ZNF385D: variants seen among roughly 807,000 people sequenced by gnomAD.
ZNF385D encodes zinc finger protein 385D.
ZNF385D carries 15 observed loss-of-function variants against 35.8 expected under a neutral mutation model. That is an observed-to-expected ratio of 0.42 (90% CI 0.28 to 0.64). The LOEUF is 0.64. ZNF385D is among the 30% of genes least tolerant of loss of function. The pLI, the probability that ZNF385D is intolerant of heterozygous loss-of-function variation, is 0.23. For synonymous variants in ZNF385D, 212 were observed against 186.8 expected, an observed-to-expected ratio of 1.13 and a Z score of -1.10; for missense variants, 474 against 494.6, an observed-to-expected ratio of 0.96 and a Z score of 0.39.
intron 1 of ZNF385D, among the ~76,000 whole-genome samples, chr3:21,691,536 T>C (rs527849354): frequency 6.6e-6 from 1 of 152,282 alleles, no homozygotes; most frequent in South Asian, 2.1e-4. Flanking sequence ...CTTTCTTTCT[T>C]CTAAGAAGAG....
rs533080077 is a variant in ZNF385D, at chr3:22,075,506, C to T, written c.325+93311G>A. On this transcript the variant is annotated intron_variant, in intron 3 of 5. Coordinates refer to the ZNF385D transcript ENST00000494108. Reference sequence around the variant, plus strand: ...TCCCTCTTCACTTTCCCACTCTCTCCTTAACAAATCTTCTTTCTTGGATTT... The same window carrying T: ...TCCCTCTTCACTTTCCCACTCTCTCTTTAACAAATCTTCTTTCTTGGATTT... 1.7e-4 allele frequency among the ~76,000 whole-genome samples: 26 copies of T among 151,922 alleles called. No homozygotes were observed. In the South Asian group the frequency reaches 4.1e-3, roughly 24 times the overall value.
At chr3:21,724,646 A>G (rs1160783736) in intron 1 of ZNF385D, among the ~76,000 whole-genome samples, 1 of 152,154 alleles carries the variant, frequency 6.6e-6, no homozygotes, top group Non-Finnish European at 1.5e-5. Flanking sequence ...TACTAAATAT[A>G]TACGCACCCA....
intron 2 of ZNF385D, among the ~76,000 whole-genome samples, chr3:21,593,540 T>C (rs575863263): frequency 2.0e-5 from 3 of 152,252 alleles, no homozygotes; most frequent in African/African-American, 7.2e-5. Flanking sequence ...AAAAGCCTTT[T>C]GCCATCTCTT....
rs10536394 is a variant in ZNF385D at position 22,144,572 on chromosome 3, CAAAAAAAA to C, written c.325+24237_325+24244del. ...TAGGCAACAGGGTGAGACTCCATTT[CAAAAAAAA>C]AAAAAAAAAAAAAAAAAAAAGAACG... On this transcript the variant is annotated intron_variant, in intron 3 of 5. Transcript: ENST00000494108. Among the ~76,000 whole-genome samples, 6 of 67,580 alleles carry C rather than the reference CAAAAAAAA, an allele frequency of 8.9e-5. 1 individual carries two copies. In the East Asian group the frequency reaches 2.7e-3, roughly 30 times the overall value. The allele number at this position is 67,580 out of a possible 152,430, so 44.3% of individuals were successfully genotyped here. A position where few individuals can be genotyped will look rare whatever the true frequency, so the allele number is the denominator to read the frequency against.
chr3:21,528,202 A>T (rs1708340328), intron 3 of ZNF385D, among the ~76,000 whole-genome samples: 1 of 152,228 alleles, frequency 6.6e-6, no homozygotes, highest in South Asian at 2.1e-4. Context: ...AGAATGAAAT[A>T]GAAGTATTTT....
chr3:22,251,874 G>C (rs1330114452), intron 2 of ZNF385D, among the ~76,000 whole-genome samples: 4 of 152,190 alleles, frequency 2.6e-5, no homozygotes, highest in African/African-American at 2.4e-5. Flanking sequence ...CACAGCCTTT[G>C]AAAGTTCAAT....
intron 3 of ZNF385D, among the ~76,000 whole-genome samples, chr3:21,800,938 C>T (rs2072371142): frequency 6.6e-6 from 1 of 152,096 alleles, no homozygotes; most frequent in African/African-American, 2.4e-5. Context: ...AGGAAGAAAG[C>T]TCTTACTCTT....
At chr3:22,107,415 CATT>C (rs1274387209) in intron 3 of ZNF385D, among the ~76,000 whole-genome samples, 1 of 151,834 alleles carries the variant, frequency 6.6e-6, no homozygotes, top group East Asian at 1.9e-4. Context: ...ACTGTAAAAT[CATT>C]GATACATGGG....
Position 22,015,780 on chromosome 3 carries a change from C to T in ZNF385D, c.325+153037G>A, listed in dbSNP as rs373950752. On this transcript the variant is annotated intron_variant, in intron 3 of 5. Coordinates refer to the ZNF385D transcript ENST00000494108. ...AATTGCTCTCCATCTCCTGGCTTTC[C>T]TAGGAAGACTGGCTTGGATTCATGC... Among the ~76,000 whole-genome samples the T allele has an allele frequency of 1.7e-4, 26 of 152,134 alleles. 1 individual carries two copies. The highest frequency in any genetic ancestry group is 1.2e-3 in the Admixed American group (19 of 15,296).
At chr3:22,080,284 G>T (rs1156233083) in intron 3 of ZNF385D, among the ~76,000 whole-genome samples, 1 of 152,094 alleles carries the variant, frequency 6.6e-6, no homozygotes, top group East Asian at 1.9e-4. Context: ...ATGATCTTGT[G>T]TCAGTCACCC....
At chr3:22,216,545 A>T (rs1295200594) in intron 2 of ZNF385D, among the ~76,000 whole-genome samples, 1 of 152,136 alleles carries the variant, frequency 6.6e-6, no homozygotes, top group Non-Finnish European at 1.5e-5. Flanking sequence ...ATTGACCCAG[A>T]TGTGAAAATA....
intron 3 of ZNF385D, among the ~76,000 whole-genome samples, chr3:21,965,358 T>C (rs1702855854): frequency 6.6e-6 from 1 of 152,150 alleles, no homozygotes; most frequent in Non-Finnish European, 1.5e-5. Flanking sequence ...CCAGGCACAG[T>C]ACTAATGATG....
chr3:22,030,301 A>ATCTATC (rs1491439646), intron 3 of ZNF385D, among the ~76,000 whole-genome samples: 38 of 110,464 alleles, frequency 3.4e-4, no homozygotes, highest in African/African-American at 1.3e-3. Flanking sequence ...ATATATATAT[A>ATCTATC]TCCTATTTGG....
intron 3 of ZNF385D, among the ~76,000 whole-genome samples, chr3:22,105,817 G>A (rs1273269234): frequency 6.6e-6 from 1 of 152,104 alleles, no homozygotes; most frequent in Non-Finnish European, 1.5e-5. Flanking sequence ...CACTCTCACA[G>A]ACAAAATAAT....
chr3:21,510,481 C>T (rs751682571), intron 4 of ZNF385D, among the ~76,000 whole-genome samples: 1 of 152,138 alleles, frequency 6.6e-6, no homozygotes, highest in Non-Finnish European at 1.5e-5. Context: ...GCATACTTTG[C>T]TGTGTACTCA....
intron 3 of ZNF385D, among the ~76,000 whole-genome samples, chr3:21,961,851 G>A (rs1702614606): frequency 6.6e-6 from 1 of 152,070 alleles, no homozygotes; most frequent in African/African-American, 2.4e-5. Flanking sequence ...AACATTTGCA[G>A]AAGTTGAGAT....
chr3:22,359,669 T>A (rs1481447264), intron 2 of ZNF385D, among the ~76,000 whole-genome samples: 1 of 151,882 alleles, frequency 6.6e-6, no homozygotes, highest in Non-Finnish European at 1.5e-5. Flanking sequence ...GACAGTCATG[T>A]CAAGAAGAAG....
chr3:21,587,704 T>A lies in ZNF385D; in HGVS notation c.166-23020A>T, dbSNP rs561815521. On this transcript the variant is annotated intron_variant, in intron 2 of 7. Transcript: ENST00000281523. ...AGAATTATTGGTATAACTGAAGACA[T>A]AAGAGTGAATGATATGTAACAGACT... is the stretch of plus-strand genomic sequence containing the variant. 4.0e-5 allele frequency among the ~76,000 whole-genome samples: 6 copies of A among 151,644 alleles called. 1 individual carries two copies. In the South Asian group the frequency reaches 1.1e-3, roughly 27 times the overall value.
intron 3 of ZNF385D, among the ~76,000 whole-genome samples, chr3:22,116,827 A>G (rs1296088716): frequency 1.3e-5 from 2 of 152,064 alleles, no homozygotes; most frequent in Non-Finnish European, 1.5e-5. Flanking sequence ...TTATAAGGCT[A>G]TTTCTGATAA....
Sources: gnomAD v4.1 joint callset for allele counts (sites outside exome capture counted in the v4.1 genomes callset) on GRCh38, gnomAD v4.1.1 for gene constraint, MANE v1.5 for transcripts, NCBI Gene and HGNC (gene_info 2026-07-23, HGNC 2026-07-21) for gene names.